Variants in FAT3 observed in about 807,000 individuals in gnomAD.
FAT3 encodes FAT atypical cadherin 3.
FAT3 carries 95 observed loss-of-function variants against 310.2 expected under a neutral mutation model. The observed-to-expected ratio is 0.31, with a 90% CI of 0.26 to 0.36. The LOEUF (loss-of-function observed/expected upper bound fraction) is 0.36. FAT3 is among the 10% of genes least tolerant of loss of function. The probability of loss-of-function intolerance (pLI) is 1.00; values close to 1 mark genes in which losing one functional copy is unlikely to be tolerated. For synonymous variants in FAT3, 2,314 were observed against 2,192.9 expected (o/e 1.06, Z -1.54); for missense variants, 5,408 against 5,715.6 (o/e 0.95, Z 1.74).
intron 9 of FAT3, among the ~76,000 whole-genome samples, chr11:92,795,428 AAC>A (rs1324494973): frequency 6.6e-6 from 1 of 152,040 alleles, no homozygotes; most frequent in Non-Finnish European, 1.5e-5. Flanking sequence ...CCAAAAAACA[AAC>A]AGAGGCCAAT....
intron 22 of FAT3, among the ~76,000 whole-genome samples, chr11:92,874,188 A>G (rs2136375501): frequency 6.6e-6 from 1 of 152,324 alleles, no homozygotes; most frequent in Middle Eastern, 3.4e-3. Flanking sequence ...TTTCTTTCAC[A>G]TTTACAAAAG....
chr11:92,519,133 C>A (rs756768731), intron 2 of FAT3, among the ~76,000 whole-genome samples: 4 of 152,064 alleles, frequency 2.6e-5, no homozygotes, highest in Admixed American at 1.3e-4. Context: ...ACTTACACTT[C>A]CTGATTTCAA....
intron 2 of FAT3, among the ~76,000 whole-genome samples, chr11:92,434,573 A>G (rs746837353): frequency 6.6e-6 from 1 of 152,122 alleles, no homozygotes; most frequent in Admixed American, 6.5e-5. Flanking sequence ...TTTCCAGTCT[A>G]GCAACTTTGG....
intron 2 of FAT3, among the ~76,000 whole-genome samples, chr11:92,472,080 AGT>A (rs1951924896): frequency 6.6e-6 from 1 of 151,870 alleles, no homozygotes; most frequent in Non-Finnish European, 1.5e-5. Flanking sequence ...CATATCAAAA[AGT>A]GTGCATAACA....
chr11:92,653,804 T>C (rs1942473024), intron 3 of FAT3, among the ~76,000 whole-genome samples: 1 of 152,202 alleles, frequency 6.6e-6, no homozygotes, highest in Non-Finnish European at 1.5e-5. Context: ...TTTAAATATA[T>C]TCACTATCCT....
chr11:92,237,121 T>A (rs563753307), intron 1 of FAT3, among the ~76,000 whole-genome samples: 1 of 152,326 alleles, frequency 6.6e-6, no homozygotes, highest in South Asian at 2.1e-4. Flanking sequence ...AGCTGGGATA[T>A]ACTGCATATA....
chr11:92,497,686 A>C (rs1952805185), intron 2 of FAT3, among the ~76,000 whole-genome samples: 1 of 152,054 alleles, frequency 6.6e-6, no homozygotes, highest in African/African-American at 2.4e-5. Context: ...GAAGCTATCT[A>C]TCAATAGGAC....
intron 1 of FAT3, among the ~76,000 whole-genome samples, chr11:92,270,171 T>G (rs964519592): frequency 6.6e-6 from 1 of 152,252 alleles, no homozygotes; most frequent in Non-Finnish European, 1.5e-5. Flanking sequence ...ACTTCCATCT[T>G]CTTAAAATAC....
chr11:92,563,458 G>T (rs916188230), intron 3 of FAT3, among the ~76,000 whole-genome samples: 3 of 151,984 alleles, frequency 2.0e-5, no homozygotes, highest in Non-Finnish European at 2.9e-5. Flanking sequence ...ACACTACCAG[G>T]TTATTCAAAT....
intron 3 of FAT3, among the ~76,000 whole-genome samples, chr11:92,564,421 C>T (rs2135480555): frequency 6.7e-6 from 1 of 150,202 alleles, no homozygotes; most frequent in East Asian, 2.0e-4. Context: ...GACTTAGACT[C>T]CCACACATTA....
intron 2 of FAT3, chr11:92,367,352 T>G (rs1402273067): frequency 6.3e-6 from 1 of 159,780 alleles, no homozygotes; most frequent in Non-Finnish European, 1.4e-5. Context: ...TCCCAGCACT[T>G]TGGGAGGCCA....
At chr11:92,816,938 T>C (rs1225535722) in intron 13 of FAT3, among the ~76,000 whole-genome samples, 1 of 151,936 alleles carries the variant, frequency 6.6e-6, no homozygotes, top group Non-Finnish European at 1.5e-5. Flanking sequence ...ATCACCCCAC[T>C]GCATTCCAGC....
In FAT3 at chr11:92,798,179, C is replaced by G. The variant is rs1262119189; in HGVS notation, c.5166C>G (p.Val1722=). The change falls in exon 10 of 28, where the codon GTC becomes GTG. Residue 1722 remains valine (V), a synonymous_variant. Transcript: ENST00000525166. The part of the protein sequence containing the change: ...GIFTINPYSG[V]ITTQKALDYE... ...TTACCATAAATCCATATTCTGGAGT[C>G]ATCACCACTCAGAAGGCCCTGGATT... 16 of 1,613,906 alleles carry G rather than the reference C, an allele frequency of 9.9e-6. No homozygotes were observed. Among genetic ancestry groups the G allele is most frequent in the Non-Finnish European group, 1.4e-5 (16 of 1,179,858 alleles).
At chr11:92,756,858 T>C (rs1217613770) in intron 4 of FAT3, among the ~76,000 whole-genome samples, 1 of 151,716 alleles carries the variant, frequency 6.6e-6, no homozygotes. Flanking sequence ...TGTTTTGTAA[T>C]TGTCCTGCCT....
At chr11:92,571,244 AGTGAG>A (rs1419193495) in intron 3 of FAT3, among the ~76,000 whole-genome samples, 1 of 152,176 alleles carries the variant, frequency 6.6e-6, no homozygotes, top group Non-Finnish European at 1.5e-5. Flanking sequence ...ATATGGTTAG[AGTGAG>A]GCTCTGGTGG....
intron 7 of FAT3, among the ~76,000 whole-genome samples, chr11:92,784,080 G>C (rs939557146): frequency 6.6e-6 from 1 of 152,188 alleles, no homozygotes; most frequent in Admixed American, 6.5e-5. Context: ...ATAGGATGGG[G>C]TGAATACAGA....
At chr11:92,293,168 G>A (rs577062479) in intron 1 of FAT3, among the ~76,000 whole-genome samples, 25 of 151,770 alleles carry the variant, frequency 1.6e-4, no homozygotes, top group Non-Finnish European at 2.2e-4. Flanking sequence ...ACCTTAGCAC[G>A]TAACCTCCCT....
intron 3 of FAT3, among the ~76,000 whole-genome samples, chr11:92,587,154 G>T (rs1308149594): frequency 6.6e-6 from 1 of 151,860 alleles, no homozygotes; most frequent in Non-Finnish European, 1.5e-5. Flanking sequence ...TAAATTGTGT[G>T]TACTTTTACA....
intron 1 of FAT3, among the ~76,000 whole-genome samples, chr11:92,297,028 T>C (rs59694112): frequency 0.022 from 3,314 of 152,258 alleles, 130 homozygotes; most frequent in African/African-American, 0.075. Context: ...CTTTTAGTTA[T>C]CTTGCTTCTA....
Sources: allele counts gnomAD v4.1 joint callset (sites outside exome capture counted in the v4.1 genomes callset), GRCh38; gene constraint gnomAD v4.1.1; transcripts MANE v1.5; gene names NCBI Gene and HGNC (gene_info 2026-07-23, HGNC 2026-07-21).